Variants in ANGPTL4 observed in about 807,000 individuals in gnomAD.
ANGPTL4 encodes angiopoietin-related protein 4.
Under a neutral mutation model 39.2 loss-of-function variants are expected in ANGPTL4, and 39 were observed. That is an observed-to-expected ratio of 1.00 (90% CI 0.77 to 1.30). The LOEUF (loss-of-function observed/expected upper bound fraction) is 1.30, where lower values mean the gene tolerates loss of function less well. Among genes scored for constraint, ANGPTL4 ranks in the 50% most tolerant of loss-of-function variants. ANGPTL4 has a pLI of 0.00. For missense variants in ANGPTL4, 545 were observed against 549.8 expected (o/e 0.99, Z 0.09); for synonymous variants, 233 against 229.5 (o/e 1.02, Z -0.14).
Position 8,366,335 on chromosome 19 carries a change from T to A in ANGPTL4, c.547+16T>A. ...CGCCTGCACCGTGAGTGTCTGCCCCTCGATGCTCTCCGGTGGCCACCCCTA... is the reference window on the plus strand; with the variant it reads ...CGCCTGCACCGTGAGTGTCTGCCCCACGATGCTCTCCGGTGGCCACCCCTA... On this transcript the variant is annotated intron_variant, in intron 3 of 6. Transcript: ENST00000301455. 1 of 1,611,110 alleles carries A rather than the reference T, an allele frequency of 6.2e-7. No homozygotes were observed. Among genetic ancestry groups the A allele is most frequent in the Non-Finnish European group, 8.5e-7 (1 of 1,178,938 alleles).
chr19:8,369,022 G>T (rs1971061467), intron 3 of ANGPTL4, among the ~76,000 whole-genome samples, 197 bp from the exon 4 acceptor site: 1 of 152,312 alleles, frequency 6.6e-6, no homozygotes. Flanking sequence ...TCCTCCAGGT[G>T]CCTTGTGGAC....
intron 3 of ANGPTL4, among the ~76,000 whole-genome samples, chr19:8,367,145 T>C (rs1971023020): frequency 6.6e-6 from 1 of 152,020 alleles, no homozygotes; most frequent in African/African-American, 2.4e-5. Context: ...CTTCCAGCAC[T>C]GTAGACCTGA....
At chr19:8,372,971 T>C (rs1971153891) in intron 6 of ANGPTL4, among the ~76,000 whole-genome samples, 1 of 150,220 alleles carries the variant, frequency 6.7e-6, no homozygotes, top group Admixed American at 6.6e-5. Context: ...AAAATTGTTT[T>C]TAAACTTAAA....
rs138460722 is a variant in ANGPTL4, at chr19:8,373,759, G to A, written c.1094G>A (p.Arg365His). 2.4e-5 allele frequency: 38 copies of A among 1,613,858 alleles called. No homozygotes were observed. In the Middle Eastern group the frequency reaches 4.9e-4, roughly 21 times the overall value. ...SHSNLNGQYFRSIPQQRQKLK... is the reference protein window; with the variant it reads ...SHSNLNGQYFHSIPQQRQKLK... Reference sequence around the variant, plus strand: ...TCCAACCTCAACGGCCAGTACTTCCGCTCCATCCCACAGCAGCGGCAGAAG... The same window carrying A: ...TCCAACCTCAACGGCCAGTACTTCCACTCCATCCCACAGCAGCGGCAGAAG... Residue 365 changes from arginine to histidine, a missense_variant, in exon 7 of 7, where the codon CGC becomes CAC. By Grantham distance (29) the Arg-to-His change is conservative. Transcript: ENST00000301455.
intron 3 of ANGPTL4, among the ~76,000 whole-genome samples, chr19:8,368,298 C>A (rs574149049): frequency 1.3e-5 from 2 of 152,108 alleles, no homozygotes; most frequent in Non-Finnish European, 2.9e-5. Flanking sequence ...TGAACCACTG[C>A]GCCCGGCCCA....
rs1389659643 is a variant in ANGPTL4, at chr19:8,364,527, T to G, written c.206T>G (p.Leu69Arg). 1.9e-6 allele frequency: 3 copies of G among 1,568,748 alleles called. No homozygotes were observed. ...AERTRSQLSA[L>R]ERRLSACGSA... ...CGCACCCGCAGTCAGCTGAGCGCGCTGGAGCGGCGCCTGAGCGCGTGCGGG... is the reference window on the plus strand; with the variant it reads ...CGCACCCGCAGTCAGCTGAGCGCGCGGGAGCGGCGCCTGAGCGCGTGCGGG... The change falls in exon 1 of 7, where the codon CTG becomes CGG. Residue 69 changes from leucine (L) to arginine (R), a missense_variant. Transcript: ENST00000301455.
Position 8,366,375 on chromosome 19 carries a change from A to T in ANGPTL4, c.547+56A>T, listed in dbSNP as rs1235084622. 9.6e-6 allele frequency: 15 copies of T among 1,561,160 alleles called. No individual in the cohort carries two copies. In the East Asian group the frequency reaches 2.0e-4, roughly 21 times the overall value. On this transcript the variant is annotated intron_variant, in intron 3 of 6. Coordinates refer to ENST00000301455, the MANE Select transcript of ANGPTL4 (RefSeq NM_139314.3). ...GGCCACCCCTACCCCGCCACTTGCC[A>T]TTGCTGGTCCTCTCCTTGTCAGGTC...
In ANGPTL4 at chr19:8,369,280, A is replaced by T. The variant is rs1257700985; in HGVS notation, c.609A>T (p.Glu203Asp). The change falls in exon 4 of 7, where the codon GAA (glutamate) becomes GAT (aspartate). Residue 203 changes from glutamate (E) to aspartate (D), a missense_variant. Coordinates refer to ENST00000301455, the MANE Select transcript of ANGPTL4 (RefSeq NM_139314.3). ...GGGAGAGGCAGAGTGGACTATTTGA[A>T]ATCCAGCCTCAGGGGTCTCCGCCAT... is the stretch of plus-strand genomic sequence containing the variant. ...QVGERQSGLF[E>D]IQPQGSPPFL... is the part of the protein sequence containing the mutation. The T allele has an allele frequency of 3.1e-6, 5 of 1,612,284 alleles. No homozygotes were observed. Among genetic ancestry groups the T allele is most frequent in the Non-Finnish European group, 4.2e-6 (5 of 1,179,830 alleles).
Position 8,371,289 on chromosome 19 carries a change from G to A in ANGPTL4, c.806G>A (p.Arg269His), listed in dbSNP as rs749538025. 7 of 1,613,920 alleles carry A rather than the reference G, an allele frequency of 4.3e-6. No homozygotes were observed. The highest frequency in any genetic ancestry group is 1.7e-5 in the Admixed American group (1 of 60,024). Residue 269 changes from arginine to histidine, a missense_variant, in exon 6 of 7, where the codon CGC becomes CAC. Physicochemically the swap from Arg to His is conservative, Grantham distance 29 (BLOSUM62 0). Transcript: ENST00000301455. This position sits in a 1 kb window ranked among gnomAD's most constrained non-coding sequence, Gnocchi z 5.1. ...LEKVHSITGD[R>H]NSRLAVQLRD... Reference sequence around the variant, plus strand: ...AAGGTGCATAGCATCACGGGGGACCGCAACAGCCGCCTGGCCGTGCAGCTG... The same window carrying A: ...AAGGTGCATAGCATCACGGGGGACCACAACAGCCGCCTGGCCGTGCAGCTG...
chr19:8,368,553 G>A (rs1351841461), intron 3 of ANGPTL4, among the ~76,000 whole-genome samples: 1 of 152,142 alleles, frequency 6.6e-6, no homozygotes, highest in Non-Finnish European at 1.5e-5. Flanking sequence ...GGGACCCAGA[G>A]AGAGAAGTGA....
chr19:8,371,126 CA>C lies in ANGPTL4; in HGVS notation c.734del (p.Lys245ArgfsTer152). Reference sequence around the variant, plus strand: ...ACTTCAACCGGCCCTGGGAAGCCTACAAGGCGGGGTTTGGGGATCCCCACGG... The same window carrying C: ...ACTTCAACCGGCCCTGGGAAGCCTACAGGCGGGGTTTGGGGATCCCCACGG... Reference protein sequence around the residue: ...VDFNRPWEAYKAGFGDPHGEF... With the variant: ...VDFNRPWEAYXAGFGDPHGEF... On this transcript the variant is annotated frameshift_variant, in exon 5 of 7. Coordinates refer to ENST00000301455, the MANE Select transcript of ANGPTL4 (RefSeq NM_139314.3). LOFTEE classifies it high-confidence loss of function. This position sits in a 1 kb window ranked among gnomAD's most constrained non-coding sequence, Gnocchi z 5.1. 6.2e-7 allele frequency: 1 copy of C among 1,613,016 alleles called. No individual in the cohort carries two copies. The highest frequency in any genetic ancestry group is 8.5e-7 in the Non-Finnish European group (1 of 1,179,502).
intron 3 of ANGPTL4, among the ~76,000 whole-genome samples, chr19:8,367,641 G>C (rs548215531): frequency 2.8e-4 from 42 of 152,050 alleles, no homozygotes; most frequent in Admixed American, 7.2e-4. Context: ...AGTCTGGAGC[G>C]TCTGAGCCTC....
chr19:8,366,049 G>T lies in ANGPTL4; in HGVS notation c.414G>T (p.Gln138His). 1 of 1,614,142 alleles carries T rather than the reference G, an allele frequency of 6.2e-7. No individual in the cohort carries two copies. Among genetic ancestry groups the T allele is most frequent in the African/African-American group, 1.3e-5 (1 of 75,038 alleles). The change falls in exon 2 of 7, where the codon CAG (glutamine) becomes CAT (histidine). Residue 138 changes from glutamine (Q) to histidine (H), a missense_variant. Coordinates refer to ENST00000301455, the MANE Select transcript of ANGPTL4 (RefSeq NM_139314.3). The stretch of plus-strand genomic sequence containing the variant: ...TGGAGAAGCAGCACCTGCGAATTCA[G>T]CATCTGCAAAGCCAGGTAACCCTAG... ...RHLEKQHLRI[Q>H]HLQSQFGLLD...
intron 3 of ANGPTL4, 64 bp downstream of exon 3, chr19:8,366,383 T>C: frequency 6.5e-7 from 1 of 1,538,290 alleles, no homozygotes. Context: ...CCATTGCTGG[T>C]CCTCTCCTTG....
chr19:8,373,739 C>T lies in ANGPTL4; in HGVS notation c.1074C>T (p.Asn358=). Residue 358 remains asparagine, a synonymous_variant, in exon 7 of 7, where the codon AAC becomes AAT. Coordinates refer to ENST00000301455, the MANE Select transcript of ANGPTL4 (RefSeq NM_139314.3). ...GWWFGTCSHS[N]LNGQYFRSIP... is the part of the protein sequence containing the mutation. Reference sequence around the variant, plus strand: ...GGTTTGGCACCTGCAGCCATTCCAACCTCAACGGCCAGTACTTCCGCTCCA... The same window carrying T: ...GGTTTGGCACCTGCAGCCATTCCAATCTCAACGGCCAGTACTTCCGCTCCA... The T allele has an allele frequency of 6.2e-7, 1 of 1,613,992 alleles. No individual in the cohort carries two copies. Among genetic ancestry groups the T allele is most frequent in the Non-Finnish European group, 8.5e-7 (1 of 1,180,044 alleles).
rs1409312087 is a variant in ANGPTL4, at chr19:8,364,409, T to C, written c.88T>C (p.Ser30Pro). Residue 30 changes from serine (S) to proline (P), a missense_variant, in exon 1 of 7, where the codon TCC becomes CCC. Transcript: ENST00000301455. ...LLSAQGGPVQSKSPRFASWDE... is the reference protein window; with the variant it reads ...LLSAQGGPVQPKSPRFASWDE... ...GAGCGCTCAGGGCGGACCCGTGCAG[T>C]CCAAGTCGCCGCGCTTTGCGTCCTG... is the stretch of plus-strand genomic sequence containing the variant. 4.5e-6 allele frequency: 7 copies of C among 1,547,754 alleles called. No homozygotes were observed. Among genetic ancestry groups the C allele is most frequent in the Non-Finnish European group, 5.2e-6 (6 of 1,149,572 alleles).
chr19:8,364,719 G>A, intron 1 of ANGPTL4, 80 bp downstream of exon 1: 1 of 1,512,400 alleles, frequency 6.6e-7, no homozygotes, highest in South Asian at 1.2e-5. Flanking sequence ...GTGGGGCGTG[G>A]GGGCGGGGTG....
Position 8,364,499 on chromosome 19 carries a change from G to A in ANGPTL4, c.178G>A (p.Glu60Lys), listed in dbSNP as rs1207512074. The change falls in exon 1 of 7, where the codon GAG becomes AAG. Residue 60 changes from glutamate to lysine, a missense_variant. Transcript: ENST00000301455. ...CGGCCAGGGGCTGCGCGAACACGCG[G>A]AGCGCACCCGCAGTCAGCTGAGCGC... The part of the protein sequence containing the change: ...QLGQGLREHA[E>K]RTRSQLSALE... The A allele has an allele frequency of 6.4e-7, 1 of 1,564,128 alleles. No homozygotes were observed. Among genetic ancestry groups the A allele is most frequent in the East Asian group, 2.4e-5 (1 of 42,300 alleles).
chr19:8,372,968 T>G (rs1971153609), intron 6 of ANGPTL4, among the ~76,000 whole-genome samples: 1 of 150,340 alleles, frequency 6.7e-6, no homozygotes, highest in African/African-American at 2.4e-5. Context: ...AAAAAAATTG[T>G]TTTTAAACTT....
Sources: gnomAD v4.1 joint callset for allele counts (sites outside exome capture counted in the v4.1 genomes callset) on GRCh38, gnomAD v4.1.1 for gene constraint, Gnocchi (gnomAD v3.1) non-coding constraint, MANE v1.5 for transcripts, NCBI Gene and HGNC (gene_info 2026-07-23, HGNC 2026-07-21) for gene names.